The following SYN3 variants were observed in gnomAD, a reference collection of about 807,000 sequenced individuals.
SYN3 encodes synapsin III, also known as synapsin-3.
In SYN3, 35 loss-of-function variants were observed where a neutral mutation model predicts 65.8. The observed-to-expected ratio is 0.53, with a 90% confidence interval of 0.41 to 0.70. The LOEUF (loss-of-function observed/expected upper bound fraction) is 0.70. SYN3 is among the 30% of genes least tolerant of loss of function. SYN3 has a pLI of 0.00. For synonymous variants in SYN3, 270 were observed against 292.9 expected (o/e 0.92, Z 0.80); for missense variants, 680 against 749.0 (o/e 0.91, Z 1.08).
rs557560772 is a variant in SYN3, at chr22:32,957,408, T to G, written c.369+23237A>C. Among the ~76,000 whole-genome samples the G allele has an allele frequency of 2.4e-4, 37 of 152,320 alleles. 1 individual carries two copies. Among genetic ancestry groups the G allele is most frequent in the African/African-American group, 8.9e-4 (37 of 41,570 alleles). ...AACATCGCCGGGATGCAGGATGGCT[T>G]AGCACTTCTCCTGTGAGTTTCTGAA... On this transcript the variant is annotated intron_variant, in intron 3 of 13. Transcript: ENST00000358763.
intron 12 of SYN3, among the ~76,000 whole-genome samples, chr22:32,522,714 T>C (rs1366153078): frequency 6.6e-6 from 1 of 152,230 alleles, no homozygotes; most frequent in Non-Finnish European, 1.5e-5. Context: ...CTACGCACTA[T>C]CTCTGTGTCT....
chr22:32,749,172 C>T (rs190098008), intron 6 of SYN3, among the ~76,000 whole-genome samples: 5 of 152,136 alleles, frequency 3.3e-5, no homozygotes, highest in East Asian at 1.9e-4. Flanking sequence ...GGTTCATAGA[C>T]GACTGTCTGC....
At chr22:32,541,102 G>C (rs1336958129) in intron 8 of SYN3, among the ~76,000 whole-genome samples, 1 of 152,182 alleles carries the variant, frequency 6.6e-6, no homozygotes, top group African/African-American at 2.4e-5. Flanking sequence ...CTTGCAGGCA[G>C]AGAAATCTGG....
In SYN3 at chr22:32,597,682, C is replaced by T. The variant is rs74954385; in HGVS notation, c.712-946G>A. Among the ~76,000 whole-genome samples, 763 of 152,306 alleles carry T rather than the reference C, an allele frequency of 5.0e-3. 5 individuals carry two copies. Among genetic ancestry groups the T allele is most frequent in the African/African-American group, 0.017 (720 of 41,568 alleles). The stretch of plus-strand genomic sequence containing the variant: ...GGCTCCGTGCTGAGCGACTGCTCTG[C>T]GTCACCTCCCTTAGGAAGCCACACT... On this transcript the variant is annotated intron_variant, in intron 6 of 13. Transcript: ENST00000358763.
intron 6 of SYN3, among the ~76,000 whole-genome samples, chr22:32,675,843 G>A (rs373723913): frequency 6.6e-6 from 1 of 152,178 alleles, no homozygotes; most frequent in African/African-American, 2.4e-5. Context: ...ACCCAGTGAG[G>A]GGGAAGAATT....
intron 6 of SYN3, among the ~76,000 whole-genome samples, chr22:32,706,869 A>T (rs954025547): frequency 6.6e-6 from 1 of 151,532 alleles, no homozygotes; most frequent in African/African-American, 2.4e-5. Flanking sequence ...GCTCACCCCA[A>T]CCCTACTCTC....
chr22:32,977,825 T>G (rs191929293), intron 3 of SYN3, among the ~76,000 whole-genome samples: 2 of 152,190 alleles, frequency 1.3e-5, no homozygotes, highest in East Asian at 3.9e-4. Context: ...TATCAGTTAT[T>G]CATCCTGCAA....
intron 6 of SYN3, among the ~76,000 whole-genome samples, chr22:32,613,965 C>T (rs1365135222): frequency 2.0e-5 from 3 of 152,182 alleles, no homozygotes; most frequent in Non-Finnish European, 2.9e-5. Flanking sequence ...GAATCTCAGC[C>T]CTACCACTGC....
chr22:32,668,587 T>TTTG (rs1245455695), intron 6 of SYN3, among the ~76,000 whole-genome samples: 2 of 152,108 alleles, frequency 1.3e-5, no homozygotes, highest in Admixed American at 6.6e-5. Context: ...CCCTTCTTCC[T>TTTG]TTGTTGTTGT....
In SYN3 at chr22:32,528,372, C is replaced by A. The variant is rs570066319; in HGVS notation, c.1231-367G>T. The stretch of plus-strand genomic sequence containing the variant: ...CTTTTACATAAAGCTGGGGAGCTGG[C>A]AAATTCTTTGGAGAGCAGTCTGGTA... On this transcript the variant is annotated intron_variant, in intron 11 of 13. Transcript: ENST00000358763. 2.0e-5 allele frequency among the ~76,000 whole-genome samples: 3 copies of A among 152,224 alleles called. No homozygotes were observed. The South Asian group carries it at 6.2e-4, about 32-fold the overall frequency.
chr22:32,684,592 C>T (rs1234754472), intron 6 of SYN3, among the ~76,000 whole-genome samples: 1 of 152,202 alleles, frequency 6.6e-6, no homozygotes, highest in Non-Finnish European at 1.5e-5. Context: ...AGGCACTCTA[C>T]AGAGCAATTT....
intron 6 of SYN3, among the ~76,000 whole-genome samples, chr22:32,768,625 T>C (rs1386043927): frequency 7.2e-6 from 1 of 139,072 alleles, no homozygotes; most frequent in Non-Finnish European, 1.5e-5. Flanking sequence ...TTCTATGTAC[T>C]ATAAACACTC....
intron 6 of SYN3, among the ~76,000 whole-genome samples, chr22:32,651,720 A>G (rs5749480): frequency 0.17 from 26,477 of 152,028 alleles, 3,351 homozygotes; most frequent in East Asian, 0.69. Context: ...CTGCTTCCCA[A>G]ACTGCTACTG....
At chr22:32,935,635 G>C (rs1390138076) in intron 3 of SYN3, among the ~76,000 whole-genome samples, 1 of 152,100 alleles carries the variant, frequency 6.6e-6, no homozygotes, top group Non-Finnish European at 1.5e-5. Flanking sequence ...ATTTTTAGTA[G>C]AGACAGGGTT....
chr22:32,524,293 A>C (rs940797987), intron 12 of SYN3, among the ~76,000 whole-genome samples: 6 of 152,230 alleles, frequency 3.9e-5, no homozygotes, highest in Admixed American at 1.3e-4. Context: ...TCATAGCTAA[A>C]GAGGAGAAGT....
At chr22:32,611,400 T>C (rs2059443948) in intron 6 of SYN3, among the ~76,000 whole-genome samples, 1 of 150,988 alleles carries the variant, frequency 6.6e-6, no homozygotes, top group African/African-American at 2.4e-5. Context: ...TTCAGATGAT[T>C]CTCCTGCCTC....
chr22:32,764,545 C>T (rs551452168), intron 6 of SYN3, among the ~76,000 whole-genome samples: 7 of 152,252 alleles, frequency 4.6e-5, no homozygotes, highest in Admixed American at 2.6e-4. Context: ...AAGGCAGCCT[C>T]GTGGCCTGGA....
chr22:32,558,382 C>T (rs1323783852), intron 7 of SYN3, among the ~76,000 whole-genome samples: 1 of 152,186 alleles, frequency 6.6e-6, no homozygotes, highest in Non-Finnish European at 1.5e-5. Flanking sequence ...TTGTTCCTCC[C>T]ATTTCAGGGA....
intron 6 of SYN3, among the ~76,000 whole-genome samples, chr22:32,702,263 G>T (rs1284752462): frequency 1.3e-5 from 2 of 152,116 alleles, no homozygotes; most frequent in African/African-American, 4.8e-5. Context: ...GGATCACGAG[G>T]TCAGGAGATC....
Sources: gnomAD v4.1 joint callset for allele counts (sites outside exome capture counted in the v4.1 genomes callset) on GRCh38, gnomAD v4.1.1 for gene constraint, MANE v1.5 for transcripts, NCBI Gene and HGNC (gene_info 2026-07-23, HGNC 2026-07-21) for gene names.